The following GALNTL6 variants were observed in gnomAD, a reference collection of about 807,000 sequenced individuals.
GALNTL6 encodes the protein polypeptide N-acetylgalactosaminyltransferase-like 6.
A neutral mutation model predicts 73.7 loss-of-function variants in GALNTL6; 46 were observed. The observed-to-expected ratio is 0.62, with a 90% CI of 0.49 to 0.80. The LOEUF (loss-of-function observed/expected upper bound fraction) is 0.80. Ranked by LOEUF, GALNTL6 falls within the 30% of genes least tolerant of loss-of-function variation. GALNTL6 has a pLI of 0.00. For synonymous variants in GALNTL6, 259 were observed against 263.7 expected, an observed-to-expected ratio of 0.98 and a Z score of 0.17; for missense variants, 604 against 755.0, an observed-to-expected ratio of 0.80 and a Z score of 2.34.
At chr4:172,208,535 C>G (rs1399384652) in intron 2 of GALNTL6, among the ~76,000 whole-genome samples, 2 of 152,204 alleles carry the variant, frequency 1.3e-5, no homozygotes, top group Admixed American at 6.5e-5. Flanking sequence ...TGGTATTTTT[C>G]TAAAGAGCAT....
intron 2 of GALNTL6, among the ~76,000 whole-genome samples, chr4:172,092,865 TTTTTC>T (rs1240379472): frequency 1.3e-5 from 2 of 150,914 alleles, no homozygotes; most frequent in Admixed American, 6.6e-5. Context: ...AAGCTAATTT[TTTTTC>T]TTTTCTTTTT....
At chr4:172,230,622 C>T (rs540202232) in intron 3 of GALNTL6, among the ~76,000 whole-genome samples, 3 of 151,532 alleles carry the variant, frequency 2.0e-5, no homozygotes, top group South Asian at 2.1e-4. Context: ...TCTAGAAGGA[C>T]TGAAAAATTA....
In GALNTL6 at chr4:171,958,924, C is replaced by T. The variant is rs142406982; in HGVS notation, c.138+144206C>T. ...TGTTAAATGAAATGTCAAAAAGTAT[C>T]TTATAATAAAATATTTTTTCTTTAT... On this transcript the variant is annotated intron_variant, in intron 2 of 12. Transcript: ENST00000506823. Among the ~76,000 whole-genome samples the T allele has an allele frequency of 2.7e-3, 416 of 152,064 alleles. 2 individuals are homozygous for T. The highest frequency in any genetic ancestry group is 0.012 in the Admixed American group (190 of 15,280).
chr4:171,888,770 G>T (rs1318808588), intron 2 of GALNTL6, among the ~76,000 whole-genome samples: 1 of 152,032 alleles, frequency 6.6e-6, no homozygotes, highest in Non-Finnish European at 1.5e-5. Context: ...AGCAAATAAT[G>T]CTTCTCCTGA....
chr4:172,955,339 A>AT (rs1749661783), intron 10 of GALNTL6, among the ~76,000 whole-genome samples: 1 of 152,048 alleles, frequency 6.6e-6, no homozygotes, highest in East Asian at 1.9e-4. Context: ...TTAGCTGGGC[A>AT]TGGTGGCATG....
At chr4:172,949,642 G>A (rs1749342223) in intron 9 of GALNTL6, among the ~76,000 whole-genome samples, 1 of 151,950 alleles carries the variant, frequency 6.6e-6, no homozygotes, top group Non-Finnish European at 1.5e-5. Flanking sequence ...GGGTGCGCTG[G>A]CTCACAGCTG....
At chr4:172,823,691 G>C (rs1001947275) in intron 7 of GALNTL6, among the ~76,000 whole-genome samples, 2 of 152,040 alleles carry the variant, frequency 1.3e-5, no homozygotes, top group African/African-American at 4.8e-5. Flanking sequence ...AAGAAGAAAA[G>C]GAAGAAATGA....
chr4:172,771,468 T>A (rs949371559), intron 5 of GALNTL6, among the ~76,000 whole-genome samples: 1 of 152,254 alleles, frequency 6.6e-6, no homozygotes, highest in Non-Finnish European at 1.5e-5. Flanking sequence ...CTAGGTGTAA[T>A]AGTACAATAC....
intron 2 of GALNTL6, among the ~76,000 whole-genome samples, chr4:172,032,051 G>A (rs1741787248): frequency 6.6e-6 from 1 of 151,974 alleles, no homozygotes; most frequent in Non-Finnish European, 1.5e-5. Flanking sequence ...AGTTTTCACT[G>A]TCACAAAAAC....
At chr4:172,749,857 T>C (rs569516925) in intron 5 of GALNTL6, among the ~76,000 whole-genome samples, 18 of 131,708 alleles carry the variant, frequency 1.4e-4, no homozygotes, top group African/African-American at 5.9e-4. Context: ...CTTTGTAGAC[T>C]CAACCTTTTA....
chr4:172,572,930 A>G (rs752873277), intron 5 of GALNTL6, among the ~76,000 whole-genome samples: 2 of 152,158 alleles, frequency 1.3e-5, no homozygotes, highest in Non-Finnish European at 2.9e-5. Context: ...CTGGTTAAAA[A>G]GCATGAAAAC....
At chr4:172,364,972 C>T (rs934939664) in intron 5 of GALNTL6, among the ~76,000 whole-genome samples, 5 of 152,136 alleles carry the variant, frequency 3.3e-5, no homozygotes, top group African/African-American at 9.7e-5. Context: ...AACATAGGTG[C>T]TTGTTTTTGT....
At chr4:172,056,338 T>C (rs1579094351) in intron 2 of GALNTL6, among the ~76,000 whole-genome samples, 2 of 152,178 alleles carry the variant, frequency 1.3e-5, no homozygotes, top group African/African-American at 4.8e-5. Context: ...TAGCATTCTT[T>C]CGTATATACA....
At chr4:171,841,358 T>C (rs1735235118) in intron 2 of GALNTL6, among the ~76,000 whole-genome samples, 1 of 152,156 alleles carries the variant, frequency 6.6e-6, no homozygotes, top group African/African-American at 2.4e-5. Flanking sequence ...GAACAACTAA[T>C]ATTTAATCTA....
At chr4:172,548,896 A>G (rs1735865036) in intron 5 of GALNTL6, among the ~76,000 whole-genome samples, 1 of 152,194 alleles carries the variant, frequency 6.6e-6, no homozygotes, top group Non-Finnish European at 1.5e-5. Context: ...CCCTTTTAAA[A>G]CAATATTTTA....
chr4:172,958,303 C>T (rs1179607898), intron 10 of GALNTL6, among the ~76,000 whole-genome samples: 1 of 152,166 alleles, frequency 6.6e-6, no homozygotes, highest in East Asian at 1.9e-4. Flanking sequence ...AAAAAGCCTA[C>T]AGGGTGCGGT....
At chr4:172,980,383 A>AT (rs1223541064) in intron 10 of GALNTL6, among the ~76,000 whole-genome samples, 4 of 152,072 alleles carry the variant, frequency 2.6e-5, no homozygotes, top group Non-Finnish European at 4.4e-5. Context: ...CATCACCAGA[A>AT]TTTTTTTTAT....
intron 5 of GALNTL6, among the ~76,000 whole-genome samples, chr4:172,607,540 G>A (rs1738354679): frequency 6.6e-6 from 1 of 152,128 alleles, no homozygotes; most frequent in South Asian, 2.1e-4. Context: ...TCACCATTGT[G>A]AATGGTGGTG....
At chr4:172,224,195 T>C (rs1355368514) in intron 2 of GALNTL6, among the ~76,000 whole-genome samples, 1 of 152,190 alleles carries the variant, frequency 6.6e-6, no homozygotes, top group Admixed American at 6.5e-5. Context: ...TACTTTATCA[T>C]ATATAAGATT....
Sources: allele counts gnomAD v4.1 joint callset (sites outside exome capture counted in the v4.1 genomes callset), GRCh38; gene constraint gnomAD v4.1.1; transcripts MANE v1.5; gene names NCBI Gene and HGNC (gene_info 2026-07-23, HGNC 2026-07-21).